EMP2: variants seen among roughly 807,000 people sequenced by gnomAD.
EMP2 encodes the protein epithelial membrane protein 2.
In EMP2, 19 loss-of-function variants were observed where a neutral mutation model predicts 13.7. The observed-to-expected ratio is 1.38, with a 90% CI of 0.97 to 2.03. EMP2 has a LOEUF of 2.03. Ranked by LOEUF, EMP2 falls within the 30% of genes most tolerant of loss-of-function variation. The pLI is 0.00. For missense variants in EMP2, 253 were observed against 220.7 expected, an observed-to-expected ratio of 1.15 and a Z score of -0.93; for synonymous variants, 97 against 84.7, an observed-to-expected ratio of 1.15 and a Z score of -0.80.
At chr16:10,537,352 C>G (rs1030951706) in intron 4 of EMP2, among the ~76,000 whole-genome samples, 1 of 152,196 alleles carries the variant, frequency 6.6e-6, no homozygotes, top group East Asian at 1.9e-4. Context: ...CTCTTGAGCC[C>G]CTGCAGCCAG....
At chr16:10,574,840 G>A (rs565175041) in intron 1 of EMP2, among the ~76,000 whole-genome samples, 3 of 151,886 alleles carry the variant, frequency 2.0e-5, no homozygotes, top group South Asian at 4.2e-4. Context: ...GTGAGCCACC[G>A]TGCCCGGCCC....
chr16:10,558,283 T>C (rs1379782802), intron 1 of EMP2, among the ~76,000 whole-genome samples: 1 of 152,138 alleles, frequency 6.6e-6, no homozygotes, highest in Non-Finnish European at 1.5e-5. Context: ...CACCTTGGCC[T>C]CCCAAAGTGC....
chr16:10,569,885 G>A (rs1353493964), intron 1 of EMP2, among the ~76,000 whole-genome samples: 1 of 152,160 alleles, frequency 6.6e-6, no homozygotes, highest in Non-Finnish European at 1.5e-5. Flanking sequence ...ATGCCACTCG[G>A]GCCTGATGTG....
intron 4 of EMP2, among the ~76,000 whole-genome samples, chr16:10,537,036 G>C (rs1367083864): frequency 6.6e-6 from 1 of 152,130 alleles, no homozygotes; most frequent in Non-Finnish European, 1.5e-5. Flanking sequence ...CCGGGAGGTG[G>C]AGGGCTGGAA....
rs2142164451 is a variant in EMP2 at position 10,532,334 on chromosome 16, T to C, written c.*571A>G. ...TGAGACTTTTTCTGACCCACCCCGA[T>C]ACCGGAGGGATGGCTGGGCTCTGGT... On this transcript the variant is annotated 3_prime_UTR_variant, in exon 5 of 5. Transcript: ENST00000359543. The C allele has an allele frequency of 6.5e-6, 1 of 153,082 alleles. No individual in the cohort carries two copies. The highest frequency in any genetic ancestry group is 6.5e-5 in the Admixed American group (1 of 15,306). The allele number at this position is 153,082 out of a possible 1,614,324, so 9.5% of individuals were successfully genotyped here. A position where few individuals can be genotyped will look rare whatever the true frequency, so the allele number is the denominator to read the frequency against.
chr16:10,533,490 A>AT (rs1263607461), intron 4 of EMP2, among the ~76,000 whole-genome samples: 1 of 152,118 alleles, frequency 6.6e-6, no homozygotes, highest in Non-Finnish European at 1.5e-5. Flanking sequence ...CACATCACCA[A>AT]CCCAGAGGGT....
In EMP2 at chr16:10,537,794, C is replaced by T. The variant is rs185553382; in HGVS notation, c.316+134G>A. The T allele has an allele frequency of 3.3e-4, 367 of 1,103,728 alleles. 1 individual carries two copies. The highest frequency in any genetic ancestry group is 4.1e-4 in the Non-Finnish European group (315 of 759,642). The allele number at this position is 1,103,728 out of a possible 1,614,324, so 68.4% of individuals were successfully genotyped here. On this transcript the variant is annotated intron_variant, in intron 4 of 4. Transcript: ENST00000359543. ...CACACACACACACGCAAACACACAC[C>T]GGCACACAGCACCGCGCGGCTGCCA...
chr16:10,535,333 A>G (rs2050638662), intron 4 of EMP2, among the ~76,000 whole-genome samples: 1 of 152,178 alleles, frequency 6.6e-6, no homozygotes, highest in Non-Finnish European at 1.5e-5. Context: ...GAATTTTCAT[A>G]TATGTGAAAA....
chr16:10,547,510 T>C (rs2050748568), intron 2 of EMP2, 30 bp downstream of exon 2: 10 of 1,612,068 alleles, frequency 6.2e-6, no homozygotes, highest in Admixed American at 5.0e-5. Flanking sequence ...GACCCAGGTT[T>C]CTGCGTGAGT....
chr16:10,578,354 C>T (rs1295360900), intron 1 of EMP2, among the ~76,000 whole-genome samples: 1 of 152,196 alleles, frequency 6.6e-6, no homozygotes, highest in Non-Finnish European at 1.5e-5. Flanking sequence ...AGAAAAGATA[C>T]TGAGGTGAAA....
At chr16:10,547,410 C>G in intron 2 of EMP2, 130 bp downstream of exon 2, 1 of 1,007,206 alleles carries the variant, frequency 9.9e-7, no homozygotes, top group East Asian at 2.7e-5. Context: ...TCCATTAGAC[C>G]TCATTTTCCT....
intron 1 of EMP2, among the ~76,000 whole-genome samples, chr16:10,576,982 A>C (rs1025361394): frequency 6.6e-6 from 1 of 152,208 alleles, no homozygotes; most frequent in African/African-American, 2.4e-5. Context: ...CCATTGTCCC[A>C]TCAGCACGGG....
chr16:10,579,643 T>C (rs2142218921), intron 1 of EMP2, among the ~76,000 whole-genome samples: 1 of 152,122 alleles, frequency 6.6e-6, no homozygotes, highest in East Asian at 1.9e-4. Context: ...GTATTTGAAC[T>C]GGAGGCTTCT....
At chr16:10,572,059 T>C (rs1233818198) in intron 1 of EMP2, among the ~76,000 whole-genome samples, 2 of 152,350 alleles carry the variant, frequency 1.3e-5, no homozygotes, top group Non-Finnish European at 2.9e-5. Context: ...TATCACCTGA[T>C]GATCTAAATA....
In EMP2 at chr16:10,580,365, C is replaced by T. The variant is rs934704813; in HGVS notation, c.-61+184G>A. On this transcript the variant is annotated intron_variant, in intron 1 of 4. Coordinates refer to ENST00000359543, the MANE Select transcript of EMP2 (RefSeq NM_001424.6). The surrounding 1 kb of genome is among the most constrained non-coding windows in gnomAD (Gnocchi z 4.3). ...GCGAAGTGGAATTCTGGGGCCGGAG[C>T]GAGCGTGGCGCAGACCAGAGGTCGG... Among the ~76,000 whole-genome samples, 1 of 152,214 alleles carries T rather than the reference C, an allele frequency of 6.6e-6. No individual in the cohort carries two copies. The highest frequency in any genetic ancestry group is 6.5e-5 in the Admixed American group (1 of 15,290).
At chr16:10,549,861 T>C (rs1319597645) in intron 1 of EMP2, among the ~76,000 whole-genome samples, 1 of 151,106 alleles carries the variant, frequency 6.6e-6, no homozygotes, top group African/African-American at 2.4e-5. Flanking sequence ...TCTTTTCTTT[T>C]CTTTTCTTTT....
intron 1 of EMP2, among the ~76,000 whole-genome samples, chr16:10,552,392 G>A (rs1056249245): frequency 1.7e-4 from 26 of 152,176 alleles, no homozygotes; most frequent in Admixed American, 7.2e-4. Flanking sequence ...GAATTAAAAT[G>A]TTATAAGGCA....
intron 3 of EMP2, 21 bp downstream of exon 3, chr16:10,543,549 G>A: frequency 6.2e-7 from 1 of 1,613,042 alleles, no homozygotes; most frequent in Non-Finnish European, 8.5e-7. Context: ...TTCTCAGTCA[G>A]CTTCCTTCAT....
At chr16:10,579,708 GCA>G (rs71133370) in intron 1 of EMP2, among the ~76,000 whole-genome samples, 32,120 of 146,574 alleles carry the variant, frequency 0.22, 4,040 homozygotes, top group Admixed American at 0.35. Context: ...AGATCAAGGT[GCA>G]CACACACACA....
Sources: allele counts gnomAD v4.1 joint callset (sites outside exome capture counted in the v4.1 genomes callset), GRCh38; gene constraint gnomAD v4.1.1; non-coding constraint Gnocchi (gnomAD v3.1); transcripts MANE v1.5; gene names NCBI Gene and HGNC (gene_info 2026-07-23, HGNC 2026-07-21).